The following ATP2C1 variants were observed in gnomAD, a reference collection of about 807,000 sequenced individuals.
The protein encoded by ATP2C1 is ATPase secretory pathway Ca2+ transporting 1.
ATP2C1 carries 31 observed loss-of-function variants against 120.5 expected under a neutral mutation model. The ratio of observed to expected loss-of-function variants is 0.26; its 90% CI spans 0.19 to 0.35. The LOEUF (loss-of-function observed/expected upper bound fraction) is 0.35, where lower values mean the gene tolerates loss of function less well. Among genes scored for constraint, ATP2C1 ranks in the 10% least tolerant of loss-of-function variants. ATP2C1 has a pLI of 1.00. For synonymous variants in ATP2C1, 351 were observed against 358.7 expected, an observed-to-expected ratio of 0.98 and a Z score of 0.24; for missense variants, 731 against 1,107.5, an observed-to-expected ratio of 0.66 and a Z score of 4.83.
intron 26 of ATP2C1, chr3:131,014,460 G>A (rs569324714): frequency 7.1e-7 from 1 of 1,400,054 alleles, no homozygotes; most frequent in East Asian, 2.3e-5. Flanking sequence ...CATTGACATA[G>A]CTTCAACAAA....
chr3:130,999,147 C>T (rs1042589573), intron 26 of ATP2C1, among the ~76,000 whole-genome samples: 7 of 152,066 alleles, frequency 4.6e-5, no homozygotes, highest in African/African-American at 1.7e-4. Context: ...CAATTAGGTC[C>T]ATTCTCCAAG....
intron 1 of ATP2C1, among the ~76,000 whole-genome samples, chr3:130,877,626 A>T (rs1310130536): frequency 6.6e-6 from 1 of 152,016 alleles, no homozygotes; most frequent in Non-Finnish European, 1.5e-5. Context: ...ATCATTAAAA[A>T]GTTAGGAAAC....
chr3:130,982,031 G>A (rs961797482), intron 20 of ATP2C1, among the ~76,000 whole-genome samples: 1 of 152,036 alleles, frequency 6.6e-6, no homozygotes, highest in Non-Finnish European at 1.5e-5. Context: ...TTTTGATTAG[G>A]TCTAGTTTTT....
downstream of ATP2C1, among the ~76,000 whole-genome samples, chr3:131,007,493 C>T (rs1354129925): frequency 6.6e-6 from 1 of 152,164 alleles, no homozygotes; most frequent in Non-Finnish European, 1.5e-5. Flanking sequence ...ACTTAATAAC[C>T]CTTTTGAGTA....
Position 130,994,011 on chromosome 3 carries a change from T to C in ATP2C1, c.1970T>C (p.Ile657Thr). 6.2e-7 allele frequency: 1 copy of C among 1,614,104 alleles called. No individual in the cohort carries two copies. Among genetic ancestry groups the C allele is most frequent in the East Asian group, 2.2e-5 (1 of 44,862 alleles). ...NDAVALKAADIGVAMGQTGTD... is the reference protein window; with the variant it reads ...NDAVALKAADTGVAMGQTGTD... ...GCAGTTGCTCTGAAGGCTGCAGACA[T>C]TGGAGTTGCGATGGGCCAGACTGGT... The change falls in exon 22 of 28, where the codon ATT becomes ACT. Residue 657 changes from isoleucine (I) to threonine (T), a missense_variant. By Grantham distance (89) the Ile-to-Thr change is moderately conservative (BLOSUM62 -1). This residue lies in a region of ATP2C1 where 571 missense variants were observed against 845.9 expected (regional missense o/e 0.67). Coordinates refer to ENST00000510168, the MANE Select transcript of ATP2C1 (RefSeq NM_001378687.1).
At chr3:130,901,936 T>C (rs2057848130) in intron 2 of ATP2C1, among the ~76,000 whole-genome samples, 2 of 151,984 alleles carry the variant, frequency 1.3e-5, no homozygotes, top group African/African-American at 4.8e-5. Flanking sequence ...TGGCATCCAG[T>C]GTGTAGAGAC....
intron 2 of ATP2C1, chr3:130,919,094 T>C: frequency 2.3e-6 from 1 of 443,430 alleles, no homozygotes; most frequent in Middle Eastern, 6.0e-4. Flanking sequence ...ACCCCACACT[T>C]GTTTCCACCT....
At chr3:130,950,495 C>G (rs918199220) in intron 8 of ATP2C1, among the ~76,000 whole-genome samples, 1 of 152,106 alleles carries the variant, frequency 6.6e-6, no homozygotes, top group Admixed American at 6.6e-5. Flanking sequence ...CTGTAATAGG[C>G]TTGCCTAATT....
intron 1 of ATP2C1, among the ~76,000 whole-genome samples, chr3:130,882,184 G>T (rs1474859913): frequency 4.6e-5 from 7 of 151,254 alleles, no homozygotes; most frequent in African/African-American, 1.7e-4. Flanking sequence ...TACTAGCTGT[G>T]TGTCTGTCAT....
In ATP2C1 at chr3:130,996,661, T is replaced by C. The variant is rs757116098; in HGVS notation, c.2127-19T>C. 1 of 1,465,976 alleles carries C rather than the reference T, an allele frequency of 6.8e-7. No homozygotes were observed. Among genetic ancestry groups the C allele is most frequent in the Non-Finnish European group, 9.6e-7 (1 of 1,045,096 alleles). The allele number at this position is 1,465,976 out of a possible 1,614,324, so 90.8% of individuals were successfully genotyped here. On this transcript the variant is annotated intron_variant, in intron 23 of 27. Transcript: ENST00000510168. Reference sequence around the variant, plus strand: ...GATTTACTCTACTGATATTTTTAAATGACTCTCTTTTTCAACAGGAGTATA... The same window carrying C: ...GATTTACTCTACTGATATTTTTAAACGACTCTCTTTTTCAACAGGAGTATA...
chr3:130,879,338 A>G (rs1268804941), intron 1 of ATP2C1, among the ~76,000 whole-genome samples: 2 of 152,080 alleles, frequency 1.3e-5, no homozygotes, highest in African/African-American at 2.4e-5. Context: ...AAGTGCTGGG[A>G]TTACAGGTGT....
chr3:130,910,243 CTGTT>C (rs1357264552), intron 2 of ATP2C1, among the ~76,000 whole-genome samples: 4 of 151,126 alleles, frequency 2.6e-5, no homozygotes, highest in South Asian at 4.3e-4. Context: ...ATTTGGCTCT[CTGTT>C]TGTCTGTTCT....
intron 1 of ATP2C1, among the ~76,000 whole-genome samples, chr3:130,887,434 C>T (rs554590024): frequency 6.6e-6 from 1 of 152,300 alleles, no homozygotes; most frequent in South Asian, 2.1e-4. Context: ...CCCCACAGCC[C>T]CGGGTGGGTC....
At chr3:130,981,763 A>G (rs973343923) in intron 20 of ATP2C1, among the ~76,000 whole-genome samples, 3 of 152,172 alleles carry the variant, frequency 2.0e-5, no homozygotes, top group Non-Finnish European at 4.4e-5. Context: ...TAAGTGTACA[A>G]TGGTATCTTA....
intron 2 of ATP2C1, among the ~76,000 whole-genome samples, chr3:130,926,797 G>T (rs1300169303): frequency 6.6e-6 from 1 of 152,154 alleles, no homozygotes; most frequent in Non-Finnish European, 1.5e-5. Flanking sequence ...GTGTTCTTTC[G>T]CTGTTTTCCT....
At chr3:130,970,663 G>C (rs555502699) in intron 17 of ATP2C1, among the ~76,000 whole-genome samples, 1 of 152,218 alleles carries the variant, frequency 6.6e-6, no homozygotes, top group African/African-American at 2.4e-5. Flanking sequence ...AGAGTGCTGG[G>C]ATTGCAGGCG....
upstream of ATP2C1, among the ~76,000 whole-genome samples, chr3:130,892,636 C>T (rs2069221015): frequency 1.3e-5 from 2 of 151,706 alleles, no homozygotes; most frequent in Admixed American, 6.6e-5. Flanking sequence ...CAACCCCGTC[C>T]GTTAATTTGG....
intron 6 of ATP2C1, among the ~76,000 whole-genome samples, chr3:130,939,837 C>A (rs1014778077): frequency 2.6e-5 from 4 of 152,174 alleles, no homozygotes; most frequent in African/African-American, 9.7e-5. Context: ...ACTAGCACTG[C>A]AGTCATTTCA....
chr3:130,865,333 T>C (rs1292216141), intron 1 of ATP2C1, among the ~76,000 whole-genome samples: 3 of 152,218 alleles, frequency 2.0e-5, no homozygotes, highest in African/African-American at 7.2e-5. Flanking sequence ...AGTTTGCTAT[T>C]GATTTACAGG....
Sources: gnomAD v4.1 joint callset for allele counts (sites outside exome capture counted in the v4.1 genomes callset) on GRCh38, gnomAD v4.1.1 for gene constraint, gnomAD v4.1.1 regional missense constraint, MANE v1.5 for transcripts, NCBI Gene and HGNC (gene_info 2026-07-23, HGNC 2026-07-21) for gene names.